The following LSAMP variants were observed in gnomAD, a reference collection of about 807,000 sequenced individuals.
The protein encoded by LSAMP is limbic system-associated membrane protein.
LSAMP carries 7 observed loss-of-function variants against 38.6 expected under a neutral mutation model. The ratio of observed to expected loss-of-function variants is 0.18; its 90% CI spans 0.10 to 0.34. LSAMP has a LOEUF of 0.34. Among genes scored for constraint, LSAMP ranks in the 10% least tolerant of loss-of-function variants. The probability of loss-of-function intolerance (pLI) is 1.00; values close to 1 mark genes in which losing one functional copy is unlikely to be tolerated. For missense variants in LSAMP, 313 were observed against 420.0 expected (o/e 0.75, Z 2.23); for synonymous variants, 154 against 166.8 (o/e 0.92, Z 0.59).
chr3:115,931,405 A>G (rs1173149960), intron 3 of LSAMP, among the ~76,000 whole-genome samples: 1 of 152,224 alleles, frequency 6.6e-6, no homozygotes, highest in Non-Finnish European at 1.5e-5. Context: ...CTTTCTCAGC[A>G]GCATGATTTC....
At chr3:115,819,674 T>C (rs1423439194) in intron 6 of LSAMP, among the ~76,000 whole-genome samples, 1 of 152,076 alleles carries the variant, frequency 6.6e-6, no homozygotes, top group African/African-American at 2.4e-5. Flanking sequence ...ATCAGAAAAA[T>C]TCAGATATGA....
intron 1 of LSAMP, among the ~76,000 whole-genome samples, chr3:116,325,883 G>T (rs889044249): frequency 1.3e-5 from 2 of 152,118 alleles, no homozygotes; most frequent in Non-Finnish European, 2.9e-5. Context: ...TAGCCAAAGA[G>T]AAGTTTAGGA....
intron 3 of LSAMP, among the ~76,000 whole-genome samples, chr3:115,974,035 T>C (rs113155712): frequency 5.8e-4 from 89 of 152,212 alleles, no homozygotes; most frequent in African/African-American, 2.1e-3. Context: ...GGATCTGGAA[T>C]ATGTTTTGTG....
intron 1 of LSAMP, among the ~76,000 whole-genome samples, chr3:116,367,102 A>T (rs2048364927): frequency 6.6e-6 from 1 of 152,200 alleles, no homozygotes; most frequent in Non-Finnish European, 1.5e-5. Flanking sequence ...ATAACGATCG[A>T]TCAGATTAAT....
rs928037499 is a variant in LSAMP, at chr3:115,804,722, G to T, written c.*5595C>A. 1 of 151,948 alleles carries T rather than the reference G, an allele frequency of 6.6e-6. No individual in the cohort carries two copies. The highest frequency in any genetic ancestry group is 3.4e-3 in the Middle Eastern group (1 of 294). The allele number at this position is 151,948 out of a possible 1,614,324, so 9.4% of individuals were successfully genotyped here. ...CTTGATAATTTTTTATGTAACAGTT[G>T]TTCATATTGTAGGAATGATATATAT... On this transcript the variant is annotated 3_prime_UTR_variant, in exon 7 of 7. Transcript: ENST00000490035.
chr3:116,119,661 CTTTTTTTTTTT>C (rs3071059), intron 1 of LSAMP, among the ~76,000 whole-genome samples: 21,596 of 140,572 alleles, frequency 0.15, 1,797 homozygotes, highest in Non-Finnish European at 0.2. Context: ...TTTTTCTTTT[CTTTTTTTTTTT>C]TTTTGAGAAG....
At chr3:115,959,342 A>C (rs747494265) in intron 3 of LSAMP, among the ~76,000 whole-genome samples, 1 of 152,168 alleles carries the variant, frequency 6.6e-6, no homozygotes, top group Non-Finnish European at 1.5e-5. Context: ...GGTGGTTTTC[A>C]AATTGGTGGA....
chr3:116,091,135 C>G (rs938434232), intron 1 of LSAMP, among the ~76,000 whole-genome samples: 1 of 152,220 alleles, frequency 6.6e-6, no homozygotes, highest in African/African-American at 2.4e-5. Context: ...TGCGCATTCT[C>G]TTTCTCAGGG....
chr3:115,946,373 G>A (rs574843135), intron 3 of LSAMP, among the ~76,000 whole-genome samples: 9 of 152,254 alleles, frequency 5.9e-5, no homozygotes, highest in East Asian at 1.9e-4. Context: ...CAGCCAAGGC[G>A]TGGGCTGTGA....
At chr3:115,883,630 G>C (rs1936378257) in intron 3 of LSAMP, among the ~76,000 whole-genome samples, 1 of 152,042 alleles carries the variant, frequency 6.6e-6, no homozygotes, top group South Asian at 2.1e-4. Flanking sequence ...AACTGATTGG[G>C]TCCTCAAGCA....
chr3:116,296,633 T>G (rs2047338598), intron 1 of LSAMP, among the ~76,000 whole-genome samples: 1 of 142,434 alleles, frequency 7.0e-6, no homozygotes, highest in African/African-American at 2.7e-5. Context: ...AGGCAGAGCT[T>G]GCAGTGAGCC....
chr3:116,331,203 C>G (rs900620745), intron 1 of LSAMP, among the ~76,000 whole-genome samples: 1 of 151,878 alleles, frequency 6.6e-6, no homozygotes. Flanking sequence ...AACTATCAAG[C>G]CTGAGGAATA....
chr3:116,302,140 A>G (rs1290976458), intron 1 of LSAMP, among the ~76,000 whole-genome samples: 1 of 152,236 alleles, frequency 6.6e-6, no homozygotes, highest in African/African-American at 2.4e-5. Context: ...CCAATAATGC[A>G]ATAGAAAAGA....
intron 1 of LSAMP, among the ~76,000 whole-genome samples, chr3:116,176,274 C>T (rs1054007829): frequency 6.6e-6 from 1 of 151,868 alleles, no homozygotes; most frequent in Non-Finnish European, 1.5e-5. Flanking sequence ...CCTCTGCTAT[C>T]AAAAGAGGTA....
At chr3:116,051,973 AG>A (rs1452231157) in intron 2 of LSAMP, among the ~76,000 whole-genome samples, 1 of 152,220 alleles carries the variant, frequency 6.6e-6, no homozygotes, top group African/African-American at 2.4e-5. Flanking sequence ...TGTTGAGCAA[AG>A]CAAGAAGTGC....
At chr3:116,167,328 T>C (rs1710084259) in intron 1 of LSAMP, among the ~76,000 whole-genome samples, 1 of 152,296 alleles carries the variant, frequency 6.6e-6, no homozygotes, top group East Asian at 1.9e-4. Context: ...TCACAATTTA[T>C]GTAGTTGTAC....
At chr3:116,315,200 C>G (rs1490488922) in intron 1 of LSAMP, among the ~76,000 whole-genome samples, 1 of 152,180 alleles carries the variant, frequency 6.6e-6, no homozygotes, top group African/African-American at 2.4e-5. Context: ...TTCTATCTAT[C>G]AGATTCTACC....
At chr3:115,810,492 T>C (rs1459789165) in intron 6 of LSAMP, 78 bp from the exon 7 acceptor site, 9 of 971,210 alleles carry the variant, frequency 9.3e-6, no homozygotes, top group Non-Finnish European at 1.3e-5. Flanking sequence ...CTGCTGATGG[T>C]ATCAGAGGTA....
chr3:116,213,207 G>A lies in LSAMP; in HGVS notation c.156-126651C>T, dbSNP rs576357577. Among the ~76,000 whole-genome samples, 3 of 152,192 alleles carry A rather than the reference G, an allele frequency of 2.0e-5. No homozygotes were observed. In the East Asian group the frequency reaches 5.8e-4, roughly 29 times the overall value. ...TCATTTTGAGTTGTGATATGGTTTG[G>A]TTGTGTCCCCACCCGAATCTCATAT... On this transcript the variant is annotated intron_variant, in intron 1 of 6. Transcript: ENST00000490035.
Sources: gnomAD v4.1 joint callset for allele counts (sites outside exome capture counted in the v4.1 genomes callset) on GRCh38, gnomAD v4.1.1 for gene constraint, MANE v1.5 for transcripts, NCBI Gene and HGNC (gene_info 2026-07-23, HGNC 2026-07-21) for gene names.